Variants in CCDC178 observed in about 807,000 individuals in gnomAD.
CCDC178 encodes the protein coiled-coil domain containing 178.
A neutral mutation model predicts 117.4 loss-of-function variants in CCDC178; 126 were observed. That is an observed-to-expected ratio of 1.07 (90% CI 0.93 to 1.24). The LOEUF is 1.24. CCDC178 is among the 50% of genes most tolerant of loss of function. CCDC178 has a pLI of 0.00. For missense variants in CCDC178, 1,030 were observed against 986.9 expected (o/e 1.04, Z -0.59); for synonymous variants, 283 against 313.4 (o/e 0.90, Z 1.02).
intron 3 of CCDC178, among the ~76,000 whole-genome samples, chr18:33,403,286 T>C (rs755508591): frequency 5.9e-5 from 9 of 152,170 alleles, no homozygotes; most frequent in South Asian, 2.1e-4. Context: ...CCGCCATTAA[T>C]TGACCATTAA....
intron 21 of CCDC178, among the ~76,000 whole-genome samples, chr18:33,035,304 T>C (rs769248500): frequency 2.6e-5 from 4 of 151,746 alleles, no homozygotes; most frequent in African/African-American, 9.7e-5. Context: ...AATTCCAGCA[T>C]ACAAGTGGAA....
chr18:33,250,026 A>G (rs1476619025), intron 14 of CCDC178, among the ~76,000 whole-genome samples: 1 of 151,922 alleles, frequency 6.6e-6, no homozygotes, highest in Non-Finnish European at 1.5e-5. Context: ...TTCTCTTTGA[A>G]GCAATTGTGA....
chr18:33,027,434 A>G (rs1160755675), intron 21 of CCDC178, among the ~76,000 whole-genome samples: 1 of 151,690 alleles, frequency 6.6e-6, no homozygotes. Flanking sequence ...AAACAGTCAC[A>G]ATTAGAAGAG....
chr18:33,263,739 T>G (rs1338574369), intron 14 of CCDC178, among the ~76,000 whole-genome samples: 1 of 152,104 alleles, frequency 6.6e-6, no homozygotes, highest in East Asian at 1.9e-4. Flanking sequence ...AATGGAGCTT[T>G]GTTAAATATG....
chr18:33,212,252 C>A (rs2059117270), intron 19 of CCDC178, among the ~76,000 whole-genome samples, 197 bp from the exon 20 acceptor site: 1 of 151,968 alleles, frequency 6.6e-6, no homozygotes, highest in Non-Finnish European at 1.5e-5. Context: ...GGAAGAAAAT[C>A]TATGGAAGAA....
intron 5 of CCDC178, among the ~76,000 whole-genome samples, chr18:33,387,153 A>C (rs2144813097): frequency 6.6e-6 from 1 of 152,252 alleles, no homozygotes; most frequent in East Asian, 1.9e-4. Context: ...CTAACAAGGG[A>C]AGTGAAGGGC....
rs555960517 is a variant in CCDC178 at position 33,435,466 on chromosome 18, A to G, written c.-23+4496T>C. On this transcript the variant is annotated intron_variant, in intron 2 of 22. Coordinates refer to ENST00000383096, the MANE Select transcript of CCDC178 (RefSeq NM_001105528.4). ...ATTTGTTCATTCAAAAAAGTATTCA[A>G]TATATATTATATGCTTGGCACTGAT... Among the ~76,000 whole-genome samples the G allele has an allele frequency of 5.5e-4, 84 of 152,072 alleles. 1 individual carries two copies. Among genetic ancestry groups the G allele is most frequent in the African/African-American group, 1.9e-3 (80 of 41,506 alleles).
chr18:33,369,375 CT>C (rs2063265479), intron 6 of CCDC178, among the ~76,000 whole-genome samples: 1 of 151,644 alleles, frequency 6.6e-6, no homozygotes. Context: ...AGAATGTTTG[CT>C]GAGCCAGATC....
chr18:33,439,721 G>T (rs926268571), intron 2 of CCDC178, among the ~76,000 whole-genome samples: 2 of 152,174 alleles, frequency 1.3e-5, no homozygotes, highest in African/African-American at 4.8e-5. Context: ...CAAGAATGCT[G>T]TATTTGGGTC....
chr18:33,259,712 T>C (rs1447438103), intron 14 of CCDC178, among the ~76,000 whole-genome samples: 1 of 152,054 alleles, frequency 6.6e-6, no homozygotes, highest in Admixed American at 6.6e-5. Context: ...GGGTGGGGAC[T>C]TAGAGCCAAA....
At chr18:33,051,042 A>G (rs566976600) in intron 21 of CCDC178, among the ~76,000 whole-genome samples, 203 of 152,232 alleles carry the variant, frequency 1.3e-3, no homozygotes, top group African/African-American at 4.7e-3. Flanking sequence ...CCTCTCTAGT[A>G]GCTGGGATCA....
chr18:33,193,143 G>T (rs1598984339), intron 20 of CCDC178, among the ~76,000 whole-genome samples: 1 of 147,156 alleles, frequency 6.8e-6, no homozygotes, highest in East Asian at 2.1e-4. Context: ...GGCGCCTGTA[G>T]TCGCAGCTAC....
At chr18:33,107,608 C>T (rs942545861) in intron 20 of CCDC178, among the ~76,000 whole-genome samples, 6 of 151,792 alleles carry the variant, frequency 4.0e-5, no homozygotes, top group African/African-American at 1.4e-4. Flanking sequence ...TAATCTGTCC[C>T]TGTAATACAA....
chr18:33,213,811 T>C (rs1174280617), intron 19 of CCDC178, among the ~76,000 whole-genome samples: 1 of 151,990 alleles, frequency 6.6e-6, no homozygotes, highest in Non-Finnish European at 1.5e-5. Context: ...AGGATGGCTT[T>C]GATTGCCATT....
At chr18:33,117,399 A>G (rs1037407397) in intron 20 of CCDC178, among the ~76,000 whole-genome samples, 9 of 152,044 alleles carry the variant, frequency 5.9e-5, no homozygotes, top group African/African-American at 1.9e-4. Context: ...GCTGACCTGG[A>G]TACAGCCACT....
chr18:33,294,235 G>A (rs1011026430), intron 11 of CCDC178, among the ~76,000 whole-genome samples: 1 of 152,070 alleles, frequency 6.6e-6, no homozygotes, highest in African/African-American at 2.4e-5. Context: ...TACTGTTATG[G>A]TTGTTTAATG....
At chr18:32,943,264 A>G (rs1197377565) in intron 22 of CCDC178, among the ~76,000 whole-genome samples, 2 of 152,196 alleles carry the variant, frequency 1.3e-5, no homozygotes, top group Non-Finnish European at 2.9e-5. Context: ...TCCTAAACCA[A>G]TATACTCTAA....
At chr18:33,009,779 T>G (rs1346371035) in intron 21 of CCDC178, among the ~76,000 whole-genome samples, 1 of 152,188 alleles carries the variant, frequency 6.6e-6, no homozygotes, top group Non-Finnish European at 1.5e-5. Flanking sequence ...GAAGCAGATC[T>G]GCAACATCTT....
chr18:33,399,183 G>A (rs1192584081), intron 3 of CCDC178, among the ~76,000 whole-genome samples: 1 of 149,930 alleles, frequency 6.7e-6, no homozygotes, highest in Non-Finnish European at 1.5e-5. Flanking sequence ...CTGGGCAACA[G>A]AGCAAGACTG....
Sources: allele counts gnomAD v4.1 joint callset (sites outside exome capture counted in the v4.1 genomes callset), GRCh38; gene constraint gnomAD v4.1.1; transcripts MANE v1.5; gene names NCBI Gene and HGNC (gene_info 2026-07-23, HGNC 2026-07-21).